The following GPC6 variants were observed in gnomAD, a reference collection of about 807,000 sequenced individuals.
GPC6 encodes glypican-6.
In GPC6, 14 loss-of-function variants were observed where a neutral mutation model predicts 55.2. That is an observed-to-expected ratio of 0.25 (90% confidence interval 0.17 to 0.40). GPC6 has a LOEUF of 0.40. GPC6 is among the 10% of genes least tolerant of loss of function. GPC6 has a pLI of 1.00. For missense variants in GPC6, 641 were observed against 708.5 expected, an observed-to-expected ratio of 0.90 and a Z score of 1.08; for synonymous variants, 278 against 259.6, an observed-to-expected ratio of 1.07 and a Z score of -0.68.
intron 4 of GPC6, among the ~76,000 whole-genome samples, chr13:94,160,564 G>A (rs1888123607): frequency 6.6e-6 from 1 of 152,236 alleles, no homozygotes; most frequent in African/African-American, 2.4e-5. Context: ...TGGGTTGCAG[G>A]CCCATTAAAC....
intron 4 of GPC6, among the ~76,000 whole-genome samples, chr13:94,074,898 G>A (rs530438788): frequency 6.6e-6 from 1 of 152,270 alleles, no homozygotes; most frequent in African/African-American, 2.4e-5. Flanking sequence ...CAATTAACAT[G>A]AGGGAAAATA....
chr13:94,242,135 T>C (rs1011523262), intron 4 of GPC6, among the ~76,000 whole-genome samples: 10 of 151,984 alleles, frequency 6.6e-5, no homozygotes, highest in Non-Finnish European at 1.5e-4. Context: ...GTTCTCATTA[T>C]TCAATCCCCA....
chr13:93,853,190 A>G (rs1332017156), intron 3 of GPC6, among the ~76,000 whole-genome samples: 5 of 151,676 alleles, frequency 3.3e-5, no homozygotes, highest in Non-Finnish European at 7.4e-5. Context: ...AAATTCAGCC[A>G]GGCTCCAGGA....
At chr13:94,248,002 T>C (rs1038525985) in intron 4 of GPC6, among the ~76,000 whole-genome samples, 1 of 151,918 alleles carries the variant, frequency 6.6e-6, no homozygotes, top group African/African-American at 2.4e-5. Flanking sequence ...GTGCCCAGCT[T>C]TGTAATTTTC....
chr13:94,363,231 GGAT>G (rs1879139579), intron 6 of GPC6, among the ~76,000 whole-genome samples: 1 of 152,060 alleles, frequency 6.6e-6, no homozygotes, highest in Admixed American at 6.6e-5. Flanking sequence ...TTACTTTTCT[GGAT>G]GATTATTAAA....
intron 6 of GPC6, among the ~76,000 whole-genome samples, chr13:94,327,102 G>A (rs1489536469): frequency 2.6e-5 from 4 of 152,158 alleles, no homozygotes; most frequent in Non-Finnish European, 5.9e-5. Flanking sequence ...ATATTCCAAG[G>A]CATAGAAAGG....
chr13:93,739,432 A>ATTT (rs200253767), intron 2 of GPC6, among the ~76,000 whole-genome samples: 24 of 142,436 alleles, frequency 1.7e-4, no homozygotes, highest in East Asian at 1.7e-3. Context: ...CTTCAAATAC[A>ATTT]TTTTTTTTTT....
At chr13:93,697,155 C>T (rs1356127658) in intron 2 of GPC6, among the ~76,000 whole-genome samples, 4 of 152,116 alleles carry the variant, frequency 2.6e-5, no homozygotes, top group Non-Finnish European at 4.4e-5. Flanking sequence ...TAATACCTGG[C>T]CCCAGCCTTT....
At chr13:93,450,678 G>C in intron 1 of GPC6, 1 of 898,138 alleles carries the variant, frequency 1.1e-6, no homozygotes. Flanking sequence ...TGTGGAAGGA[G>C]TAGAAGCTGC....
At chr13:93,429,690 C>T (rs371939843) in intron 1 of GPC6, among the ~76,000 whole-genome samples, 42 of 152,184 alleles carry the variant, frequency 2.8e-4, no homozygotes, top group African/African-American at 7.9e-4. Flanking sequence ...GGACAAGCAA[C>T]GACTTTTTAG....
chr13:93,315,772 C>G (rs1269335258), intron 1 of GPC6, among the ~76,000 whole-genome samples: 1 of 150,406 alleles, frequency 6.6e-6, no homozygotes, highest in Non-Finnish European at 1.5e-5. Flanking sequence ...TTTTTTTAAC[C>G]ATGTATGTAG....
At chr13:94,209,208 A>C (rs1889998072) in intron 4 of GPC6, among the ~76,000 whole-genome samples, 1 of 152,134 alleles carries the variant, frequency 6.6e-6, no homozygotes, top group Admixed American at 6.5e-5. Flanking sequence ...TTTCTCAAGA[A>C]GGAAGAAAAG....
At chr13:94,288,973 A>AAT (rs1196652361) in intron 5 of GPC6, among the ~76,000 whole-genome samples, 3 of 102,670 alleles carry the variant, frequency 2.9e-5, no homozygotes, top group Non-Finnish European at 2.2e-5. Flanking sequence ...ATAGATAGAT[A>AAT]ATATATATAT....
intron 1 of GPC6, among the ~76,000 whole-genome samples, chr13:93,308,023 G>A (rs1293637912): frequency 6.6e-6 from 1 of 152,126 alleles, no homozygotes; most frequent in African/African-American, 2.4e-5. Flanking sequence ...GGTGGCTCAC[G>A]TCTGTAATCC....
At chr13:94,066,157 C>T (rs1884508051) in intron 4 of GPC6, among the ~76,000 whole-genome samples, 3 of 152,114 alleles carry the variant, frequency 2.0e-5, no homozygotes, top group Admixed American at 2.0e-4. Context: ...ACATCAAATA[C>T]TTCAGTAAAA....
intron 1 of GPC6, among the ~76,000 whole-genome samples, chr13:93,418,398 G>A (rs116699496): frequency 0.021 from 3,080 of 150,192 alleles, 116 homozygotes; most frequent in African/African-American, 0.07. Context: ...ACACTATACC[G>A]TAGTATTATT....
chr13:93,943,143 A>C (rs187716298), intron 3 of GPC6, among the ~76,000 whole-genome samples: 3 of 152,304 alleles, frequency 2.0e-5, no homozygotes, highest in East Asian at 3.9e-4. Context: ...AGCAAGGACA[A>C]TCATTAGATA....
At chr13:93,468,258 T>C (rs937624252) in intron 1 of GPC6, among the ~76,000 whole-genome samples, 1 of 152,118 alleles carries the variant, frequency 6.6e-6, no homozygotes, top group Non-Finnish European at 1.5e-5. Context: ...ATGAATGAAT[T>C]TGGGCTTTGA....
intron 2 of GPC6, among the ~76,000 whole-genome samples, chr13:93,641,306 G>A (rs1566463997): frequency 6.6e-6 from 1 of 151,834 alleles, no homozygotes; most frequent in Non-Finnish European, 1.5e-5. Context: ...TATGGCAAGG[G>A]CAGTGATAGG....
Sources: gnomAD v4.1 joint callset for allele counts (sites outside exome capture counted in the v4.1 genomes callset) on GRCh38, gnomAD v4.1.1 for gene constraint, MANE v1.5 for transcripts, NCBI Gene and HGNC (gene_info 2026-07-23, HGNC 2026-07-21) for gene names.